TEAD1: variants seen among roughly 807,000 people sequenced by gnomAD.
TEAD1 encodes transcriptional enhancer factor TEF-1.
A neutral mutation model predicts 54.9 loss-of-function variants in TEAD1; 9 were observed. The observed-to-expected ratio is 0.16, with a 90% CI of 0.10 to 0.29. The LOEUF (loss-of-function observed/expected upper bound fraction) is 0.29, where lower values mean the gene tolerates loss of function less well. Among genes scored for constraint, TEAD1 ranks in the 10% least tolerant of loss-of-function variants. TEAD1 has a pLI of 1.00. For missense variants in TEAD1, 387 were observed against 535.9 expected (o/e 0.72, Z 2.74); for synonymous variants, 200 against 187.8 (o/e 1.07, Z -0.53).
At chr11:12,688,095 G>A (rs1241190537) in intron 2 of TEAD1, among the ~76,000 whole-genome samples, 4 of 152,178 alleles carry the variant, frequency 2.6e-5, no homozygotes, top group Non-Finnish European at 5.9e-5. Context: ...TAGGGTTTAG[G>A]CAGATGACCT....
At chr11:12,793,797 A>G (rs1408868858) in intron 3 of TEAD1, among the ~76,000 whole-genome samples, 2 of 152,250 alleles carry the variant, frequency 1.3e-5, no homozygotes, top group Admixed American at 6.5e-5. Context: ...AGGGAGTGGG[A>G]TTGGTGGGGA....
At chr11:12,886,579 A>G (rs553506529) in intron 9 of TEAD1, among the ~76,000 whole-genome samples, 1 of 152,318 alleles carries the variant, frequency 6.6e-6, no homozygotes, top group African/African-American at 2.4e-5. Context: ...GGTGGAGAAC[A>G]CAAGAACTAC....
chr11:12,756,451 G>T (rs1185899470), intron 2 of TEAD1, among the ~76,000 whole-genome samples: 6 of 152,196 alleles, frequency 3.9e-5, no homozygotes, highest in African/African-American at 1.4e-4. Context: ...CAGGCCACTT[G>T]TTAGCAAGGT....
rs562854219 is a variant in TEAD1 at position 12,816,894 on chromosome 11, G to A, written c.203-45356G>A. 3.3e-5 allele frequency among the ~76,000 whole-genome samples: 5 copies of A among 152,318 alleles called. No homozygotes were observed. The East Asian group carries it at 9.6e-4, about 29-fold the overall frequency. On this transcript the variant is annotated intron_variant, in intron 3 of 12. Coordinates refer to ENST00000527636, the MANE Select transcript of TEAD1 (RefSeq NM_021961.6). ...ACCTACAACTGCTGCACCCCTCCCT[G>A]TTCTTCAAGATGCCTTCTCTGGCCA... is the stretch of plus-strand genomic sequence containing the variant.
intron 3 of TEAD1, among the ~76,000 whole-genome samples, chr11:12,837,048 T>C (rs1946906630): frequency 6.6e-6 from 1 of 152,226 alleles, no homozygotes; most frequent in South Asian, 2.1e-4. Context: ...CAAACTCATA[T>C]ATACCCTAGT....
chr11:12,690,580 A>C (rs1943437911), intron 2 of TEAD1, among the ~76,000 whole-genome samples: 1 of 152,080 alleles, frequency 6.6e-6, no homozygotes, highest in African/African-American at 2.4e-5. Context: ...TTGACATTTG[A>C]TCTAATTCAG....
intron 7 of TEAD1, among the ~76,000 whole-genome samples, chr11:12,881,570 C>G (rs558259305): frequency 1.3e-5 from 2 of 152,164 alleles, no homozygotes; most frequent in Non-Finnish European, 2.9e-5. Flanking sequence ...AGAAGGAGAG[C>G]CTGAAGCATG....
chr11:12,724,399 A>C (rs897329864), intron 2 of TEAD1, among the ~76,000 whole-genome samples: 1 of 152,228 alleles, frequency 6.6e-6, no homozygotes, highest in Non-Finnish European at 1.5e-5. Flanking sequence ...GGGCTGTTTG[A>C]GATGAGGCAC....
chr11:12,882,733 G>T (rs1333680824), intron 8 of TEAD1, among the ~76,000 whole-genome samples: 1 of 152,176 alleles, frequency 6.6e-6, no homozygotes, highest in African/African-American at 2.4e-5. Flanking sequence ...AGACCCCTTG[G>T]TGCAGGATTA....
intron 2 of TEAD1, among the ~76,000 whole-genome samples, chr11:12,756,310 G>T (rs1314595856): frequency 6.6e-6 from 1 of 152,196 alleles, no homozygotes. Flanking sequence ...TGTTGCCTCA[G>T]TTCTCAGCAT....
At chr11:12,862,834 G>T (rs1318774936) in intron 4 of TEAD1, among the ~76,000 whole-genome samples, 1 of 152,194 alleles carries the variant, frequency 6.6e-6, no homozygotes, top group Non-Finnish European at 1.5e-5. Flanking sequence ...GTCAGTAGCT[G>T]CTGTGACTGA....
chr11:12,801,314 G>A (rs547637468), intron 3 of TEAD1, among the ~76,000 whole-genome samples: 2 of 152,290 alleles, frequency 1.3e-5, no homozygotes, highest in African/African-American at 4.8e-5. Flanking sequence ...TGCTAGGTTG[G>A]GGTGGACGGG....
At chr11:12,783,462 C>T (rs928100981) in intron 3 of TEAD1, among the ~76,000 whole-genome samples, 21 of 152,108 alleles carry the variant, frequency 1.4e-4, no homozygotes, top group African/African-American at 5.1e-4. Flanking sequence ...GGAAGGTTCT[C>T]TGCTAAGATG....
At chr11:12,806,359 A>T (rs924322718) in intron 3 of TEAD1, among the ~76,000 whole-genome samples, 2 of 152,204 alleles carry the variant, frequency 1.3e-5, no homozygotes, top group Non-Finnish European at 2.9e-5. Flanking sequence ...CTGTGACACA[A>T]TCTGCCCTTT....
intron 2 of TEAD1, among the ~76,000 whole-genome samples, chr11:12,740,119 T>C (rs922406760): frequency 6.6e-6 from 1 of 152,204 alleles, no homozygotes; most frequent in Admixed American, 6.5e-5. Context: ...TATGTGGTGG[T>C]TATCAATTAA....
chr11:12,718,946 T>G (rs535692853), intron 2 of TEAD1, among the ~76,000 whole-genome samples: 1 of 152,290 alleles, frequency 6.6e-6, no homozygotes, highest in African/African-American at 2.4e-5. Flanking sequence ...CATAATTGTT[T>G]AAGGACATAA....
chr11:12,887,959 G>A (rs572598184), intron 9 of TEAD1, among the ~76,000 whole-genome samples: 6 of 152,164 alleles, frequency 3.9e-5, no homozygotes, highest in Admixed American at 3.3e-4. Flanking sequence ...TCTTTGTAAC[G>A]GCTTAGGCTC....
intron 2 of TEAD1, among the ~76,000 whole-genome samples, chr11:12,732,646 C>G (rs1416808286): frequency 6.6e-6 from 1 of 152,136 alleles, no homozygotes; most frequent in African/African-American, 2.4e-5. Context: ...TCTTCAGATG[C>G]ATTTCGATGT....
intron 2 of TEAD1, among the ~76,000 whole-genome samples, chr11:12,741,132 T>C (rs1944642313): frequency 6.6e-6 from 1 of 152,190 alleles, no homozygotes; most frequent in Admixed American, 6.5e-5. Flanking sequence ...AATCATGTAA[T>C]TTTGCTTTGC....
Sources: gnomAD v4.1 joint callset for allele counts (sites outside exome capture counted in the v4.1 genomes callset) on GRCh38, gnomAD v4.1.1 for gene constraint, MANE v1.5 for transcripts, NCBI Gene and HGNC (gene_info 2026-07-23, HGNC 2026-07-21) for gene names.